The following UBE2W variants were observed in gnomAD, a reference collection of about 807,000 sequenced individuals.
UBE2W encodes the protein ubiquitin-conjugating enzyme E2 W.
Under a neutral mutation model 27.2 loss-of-function variants are expected in UBE2W, and 18 were observed. The observed-to-expected ratio is 0.66, with a 90% CI of 0.46 to 0.98. The LOEUF (loss-of-function observed/expected upper bound fraction) is 0.98. Ranked by LOEUF, UBE2W falls within the 50% of genes least tolerant of loss-of-function variation. The pLI is 0.00. For synonymous variants in UBE2W, 53 were observed against 57.2 expected (o/e 0.93, Z 0.33); for missense variants, 90 against 180.2 (o/e 0.50, Z 2.87).
intron 2 of UBE2W, among the ~76,000 whole-genome samples, chr8:73,827,767 T>C (rs1809911804): frequency 6.6e-6 from 1 of 151,972 alleles, no homozygotes; most frequent in South Asian, 2.1e-4. Flanking sequence ...CTTGAACTCC[T>C]GGGCTCAAGG....
At chr8:73,828,760 CCTTT>C (rs990111131) in intron 2 of UBE2W, among the ~76,000 whole-genome samples, 4 of 152,116 alleles carry the variant, frequency 2.6e-5, no homozygotes, top group Non-Finnish European at 5.9e-5. Flanking sequence ...AAGCAGTTAT[CCTTT>C]CTGTTACAAT....
intron 1 of UBE2W, among the ~76,000 whole-genome samples, chr8:73,862,071 A>G (rs1274976558): frequency 2.6e-5 from 4 of 152,238 alleles, no homozygotes; most frequent in Non-Finnish European, 4.4e-5. Flanking sequence ...CCCAATTTAC[A>G]TAATTGGCAC....
intron 1 of UBE2W, among the ~76,000 whole-genome samples, chr8:73,849,634 AG>A (rs1225989155): frequency 2.6e-5 from 4 of 151,858 alleles, no homozygotes; most frequent in Non-Finnish European, 5.9e-5. Context: ...ACACAGACAT[AG>A]GAAGAAAAGA....
At chr8:73,851,950 T>A (rs1811098715) in intron 1 of UBE2W, among the ~76,000 whole-genome samples, 1 of 118,274 alleles carries the variant, frequency 8.5e-6, no homozygotes, top group Non-Finnish European at 1.6e-5. Flanking sequence ...CCAGTCTCTC[T>A]TTTTTTTTTT....
At chr8:73,858,966 CAG>C (rs1465220815) in intron 1 of UBE2W, among the ~76,000 whole-genome samples, 7 of 134,716 alleles carry the variant, frequency 5.2e-5, no homozygotes, top group Admixed American at 1.6e-4. Context: ...TCTTCAAGCA[CAG>C]GGGGTTTTTG....
intron 5 of UBE2W, among the ~76,000 whole-genome samples, chr8:73,805,225 G>A (rs1225846396): frequency 6.7e-6 from 1 of 150,060 alleles, no homozygotes; most frequent in African/African-American, 2.4e-5. Context: ...ATGCCCAGGT[G>A]GGCAGATCAC....
At chr8:73,847,340 T>G (rs541303525) in intron 1 of UBE2W, among the ~76,000 whole-genome samples, 1 of 152,324 alleles carries the variant, frequency 6.6e-6, no homozygotes, top group East Asian at 1.9e-4. Context: ...AACAAACTGG[T>G]AAGACCAGCT....
intron 1 of UBE2W, among the ~76,000 whole-genome samples, chr8:73,872,941 G>A (rs560988100): frequency 4.8e-4 from 65 of 136,524 alleles, no homozygotes; most frequent in Non-Finnish European, 8.7e-4. Context: ...TCACTCTGTC[G>A]CCCAGGCTGG....
At chr8:73,876,107 CTCT>C (rs1349294093) in intron 1 of UBE2W, among the ~76,000 whole-genome samples, 1 of 151,998 alleles carries the variant, frequency 6.6e-6, no homozygotes, top group African/African-American at 2.4e-5. Context: ...TCTTATCTGT[CTCT>C]TCTTATGAGA....
Position 73,791,917 on chromosome 8 carries a change from T to C in UBE2W, c.*2185A>G. 2 of 984,996 alleles carry C rather than the reference T, an allele frequency of 2.0e-6. No homozygotes were observed. The highest frequency in any genetic ancestry group is 4.7e-5 in the South Asian group (1 of 21,282). The allele number at this position is 984,996 out of a possible 1,614,324, so 61.0% of individuals were successfully genotyped here. A position where few individuals can be genotyped will look rare whatever the true frequency, so the allele number is the denominator to read the frequency against. The stretch of plus-strand genomic sequence containing the variant: ...GTCATAAAAAACTCAATTGAGGCTA[T>C]ATATGACCTATTACTCTATAGTATA... On this transcript the variant is annotated 3_prime_UTR_variant, in exon 6 of 6. Coordinates refer to ENST00000602593, the MANE Select transcript of UBE2W (RefSeq NM_018299.6).
chr8:73,793,086 T>A lies in UBE2W; in HGVS notation c.*1016A>T. 1.0e-6 allele frequency: 1 copy of A among 985,642 alleles called. No homozygotes were observed. The highest frequency in any genetic ancestry group is 1.2e-6 in the Non-Finnish European group (1 of 829,750). 61.1% of individuals were successfully genotyped at this position (985,642 alleles called of 1,614,324 possible). The stretch of plus-strand genomic sequence containing the variant: ...AACAAAAGTTTCAATAAAAGTATTG[T>A]AACATTCAAACTTGACTTATAACAA... On this transcript the variant is annotated 3_prime_UTR_variant, in exon 6 of 6. Transcript: ENST00000602593.
chr8:73,811,771 G>A (rs1465866315), intron 3 of UBE2W, among the ~76,000 whole-genome samples: 1 of 152,018 alleles, frequency 6.6e-6, no homozygotes, highest in African/African-American at 2.4e-5. Flanking sequence ...ATATCAGTAA[G>A]GAGAAATCTT....
chr8:73,845,526 A>T (rs1054019391), intron 1 of UBE2W, among the ~76,000 whole-genome samples: 2 of 152,172 alleles, frequency 1.3e-5, no homozygotes, highest in Non-Finnish European at 2.9e-5. Flanking sequence ...GTTAAGAGTC[A>T]TCACCACTCC....
intron 5 of UBE2W, among the ~76,000 whole-genome samples, chr8:73,799,808 C>T (rs1808563083): frequency 1.3e-5 from 2 of 152,238 alleles, no homozygotes; most frequent in Admixed American, 6.5e-5. Context: ...GATCTTTCTG[C>T]CTAGCCTTGA....
At chr8:73,829,178 G>C (rs1365473707) in intron 2 of UBE2W, among the ~76,000 whole-genome samples, 1 of 152,048 alleles carries the variant, frequency 6.6e-6, no homozygotes, top group Non-Finnish European at 1.5e-5. Flanking sequence ...GTTTCTATTT[G>C]TAAAAATTTA....
chr8:73,866,410 A>T lies in UBE2W; in HGVS notation c.15+12398T>A, dbSNP rs1456737338. Among the ~76,000 whole-genome samples, 5 of 150,332 alleles carry T rather than the reference A, an allele frequency of 3.3e-5. No individual in the cohort carries two copies. In the East Asian group the frequency reaches 9.7e-4, roughly 29 times the overall value. On this transcript the variant is annotated intron_variant, in intron 1 of 5. Coordinates refer to ENST00000602593, the MANE Select transcript of UBE2W (RefSeq NM_018299.6). ...GAGGAACAGCTCTCCACTCACCCAGAGAAGTAACCTGAATCCAACTTGATA... is the reference window on the plus strand; with the variant it reads ...GAGGAACAGCTCTCCACTCACCCAGTGAAGTAACCTGAATCCAACTTGATA...
At chr8:73,854,489 T>G (rs1693334584) in intron 1 of UBE2W, among the ~76,000 whole-genome samples, 1 of 152,214 alleles carries the variant, frequency 6.6e-6, no homozygotes, top group South Asian at 2.1e-4. Context: ...GCATTACTGT[T>G]AGAACATTCT....
chr8:73,830,784 C>T (rs1297750270), intron 1 of UBE2W, among the ~76,000 whole-genome samples: 1 of 152,148 alleles, frequency 6.6e-6, no homozygotes, highest in African/African-American at 2.4e-5. Flanking sequence ...CCACACTCAG[C>T]CTGCACTTTT....
At chr8:73,836,641 T>C (rs1200511499) in intron 1 of UBE2W, among the ~76,000 whole-genome samples, 2 of 152,182 alleles carry the variant, frequency 1.3e-5, no homozygotes, top group East Asian at 1.9e-4. Context: ...TGTTTGTAAA[T>C]ATGAAGAACT....
Sources: gnomAD v4.1 joint callset for allele counts (sites outside exome capture counted in the v4.1 genomes callset) on GRCh38, gnomAD v4.1.1 for gene constraint, MANE v1.5 for transcripts, NCBI Gene and HGNC (gene_info 2026-07-23, HGNC 2026-07-21) for gene names.